The following SMUG1 variants were observed in gnomAD, a reference collection of about 807,000 sequenced individuals.
SMUG1 encodes single-strand selective monofunctional uracil DNA glycosylase.
In SMUG1, 13 loss-of-function variants were observed where a neutral mutation model predicts 23.9. That is an observed-to-expected ratio of 0.54 (90% confidence interval 0.35 to 0.86). The LOEUF (loss-of-function observed/expected upper bound fraction) is 0.86. Ranked by LOEUF, SMUG1 falls within the 40% of genes least tolerant of loss-of-function variation. SMUG1 has a pLI of 0.01. For missense variants in SMUG1, 313 were observed against 339.5 expected (o/e 0.92, Z 0.61); for synonymous variants, 133 against 139.8 (o/e 0.95, Z 0.34).
intron 2 of SMUG1, among the ~76,000 whole-genome samples, chr12:54,184,706 T>G (rs1272697271): frequency 2.6e-5 from 4 of 152,212 alleles, no homozygotes; most frequent in Admixed American, 6.5e-5. Context: ...ACCCTGCTAA[T>G]TCTACAACCC....
chr12:54,182,570 A>AG lies in SMUG1; in HGVS notation c.338dup (p.Val114CysfsTer10). On this transcript the variant is annotated frameshift_variant, in exon 4 of 4. Coordinates refer to ENST00000682136, the MANE Select transcript of SMUG1 (RefSeq NM_001243787.2). LOFTEE classifies it high-confidence loss of function. ...GATGCTCTTGGGGAGGGGTCAGCAC[A>AG]GGCCCCACAATGCCCAACCAGTCCC... is the stretch of plus-strand genomic sequence containing the variant. The AG allele has an allele frequency of 6.2e-7, 1 of 1,614,102 alleles. No homozygotes were observed. The highest frequency in any genetic ancestry group is 2.2e-5 in the East Asian group (1 of 44,874).
intron 3 of SMUG1, among the ~76,000 whole-genome samples, chr12:54,170,144 G>T (rs552432736): frequency 2.4e-4 from 37 of 151,916 alleles, no homozygotes; most frequent in African/African-American, 8.9e-4. Flanking sequence ...TTTGCGGTCC[G>T]GCGAGATCGC....
At chr12:54,184,808 T>C (rs1941943501) in intron 2 of SMUG1, among the ~76,000 whole-genome samples, 1 of 152,200 alleles carries the variant, frequency 6.6e-6, no homozygotes, top group African/African-American at 2.4e-5. Flanking sequence ...TACACAACCA[T>C]GGCCAGAGCC....
Position 54,181,388 on chromosome 12 carries a change from G to A in SMUG1, c.*708C>T, listed in dbSNP as rs1941045940. ...ATGAGCACCCACATGCCAAGCCCAT[G>A]CAAGGCACTTTCAAGTGTGATCTCA... On this transcript the variant is annotated 3_prime_UTR_variant, in exon 4 of 4. Coordinates refer to ENST00000682136, the MANE Select transcript of SMUG1 (RefSeq NM_001243787.2). 7.6e-6 allele frequency: 5 copies of A among 656,650 alleles called. No homozygotes were observed. The highest frequency in any genetic ancestry group is 1.0e-5 in the Non-Finnish European group (4 of 383,134). 40.7% of individuals were successfully genotyped at this position (656,650 alleles called of 1,614,324 possible). A position where few individuals can be genotyped will look rare whatever the true frequency, so the allele number is the denominator to read the frequency against.
At chr12:54,182,666 C>A in intron 3 of SMUG1, 43 bp from the exon 4 acceptor site, 1 of 1,565,376 alleles carries the variant, frequency 6.4e-7, no homozygotes, top group Admixed American at 1.9e-5. Flanking sequence ...AAACTGGAGA[C>A]CTGAGGCCCG....
chr12:54,182,943 T>G lies in SMUG1; in HGVS notation c.286-320A>C, dbSNP rs562594019. 1.0e-5 allele frequency: 3 copies of G among 300,056 alleles called. No homozygotes were observed. The East Asian group carries it at 2.0e-4, about 20-fold the overall frequency. The allele number at this position is 300,056 out of a possible 1,614,324, so 18.6% of individuals were successfully genotyped here. On this transcript the variant is annotated intron_variant, in intron 3 of 3. Transcript: ENST00000682136. ...ATGGTTAGTACTGGGGACAGACAGA[T>G]GGTCTGAGACAGAAAGGCAGCCAGG...
intron 3 of SMUG1, among the ~76,000 whole-genome samples, chr12:54,167,170 G>C (rs1186861989): frequency 6.6e-6 from 1 of 152,194 alleles, no homozygotes; most frequent in Non-Finnish European, 1.5e-5. Context: ...GCATGGACCA[G>C]TAATGATGTT....
chr12:54,170,999 C>CTTT (rs200562796), intron 3 of SMUG1, among the ~76,000 whole-genome samples: 1 of 142,434 alleles, frequency 7.0e-6, no homozygotes, highest in Non-Finnish European at 1.5e-5. Flanking sequence ...TTCTTTCTTT[C>CTTT]TTTTTTTTTT....
intron 3 of SMUG1, among the ~76,000 whole-genome samples, chr12:54,167,596 GA>G (rs5798298): frequency 0.33 from 50,499 of 151,968 alleles, 12,761 homozygotes; most frequent in African/African-American, 0.71. Flanking sequence ...AATGCATTCA[GA>G]AAAAAACTGC....
At chr12:54,158,527 G>T (rs1940119887) in intron 4 of SMUG1, among the ~76,000 whole-genome samples, 1 of 152,102 alleles carries the variant, frequency 6.6e-6, no homozygotes, top group Non-Finnish European at 1.5e-5. Context: ...TTGCACTGGG[G>T]TGTTGTTGAA....
chr12:54,188,382 C>G (rs551712190), intron 1 of SMUG1: 1 of 150,678 alleles, frequency 6.6e-6, no homozygotes, highest in Non-Finnish European at 1.5e-5. Flanking sequence ...AATCCGAGCA[C>G]TTTGGGAGGC....
chr12:54,160,391 C>T (rs1940210469), downstream of SMUG1, among the ~76,000 whole-genome samples: 4 of 152,188 alleles, frequency 2.6e-5, no homozygotes, highest in Admixed American at 2.6e-4. Flanking sequence ...AGACCTGCTA[C>T]CCTGGGCAGT....
chr12:54,184,872 A>G (rs956771104), intron 2 of SMUG1, among the ~76,000 whole-genome samples: 2 of 152,226 alleles, frequency 1.3e-5, no homozygotes, highest in African/African-American at 4.8e-5. Flanking sequence ...AATAATGTTG[A>G]CATAAGGAAG....
At position 54,180,849 on chromosome 12, in the gene SMUG1, G is replaced by C. The variant is rs368634278; in HGVS notation, c.*1247C>G. The C allele has an allele frequency of 6.6e-6, 1 of 152,154 alleles. No individual in the cohort carries two copies. The highest frequency in any genetic ancestry group is 6.5e-5 in the Admixed American group (1 of 15,280). The allele number at this position is 152,154 out of a possible 1,614,324, so 9.4% of individuals were successfully genotyped here. A position where few individuals can be genotyped will look rare whatever the true frequency, so the allele number is the denominator to read the frequency against. On this transcript the variant is annotated 3_prime_UTR_variant, in exon 4 of 4. Transcript: ENST00000682136. The stretch of plus-strand genomic sequence containing the variant: ...ATAAAAATACAAAAATTAGCCAGGC[G>C]TGGTGGCACATGCCTGTAATTCCAG...
chr12:54,182,691 TG>T, intron 3 of SMUG1, 68 bp from the exon 4 acceptor site: 1 of 1,539,624 alleles, frequency 6.5e-7, no homozygotes, highest in South Asian at 1.3e-5. Context: ...CTGGACCAAC[TG>T]ACTTCTTTAT....
At chr12:54,176,691 C>T (rs1251126792), downstream of SMUG1, among the ~76,000 whole-genome samples, 2 of 151,850 alleles carry the variant, frequency 1.3e-5, no homozygotes, top group African/African-American at 2.4e-5. Context: ...CCTGTAGTCC[C>T]AGCTACTCAG....
intron 2 of SMUG1, among the ~76,000 whole-genome samples, chr12:54,185,675 G>T (rs989531543): frequency 6.6e-6 from 1 of 151,772 alleles, no homozygotes; most frequent in African/African-American, 2.4e-5. Context: ...GCTGGGCATG[G>T]TGGCACGTGC....
At chr12:54,178,091 C>A (rs1421406150), downstream of SMUG1, among the ~76,000 whole-genome samples, 2 of 152,164 alleles carry the variant, frequency 1.3e-5, no homozygotes, top group African/African-American at 2.4e-5. Flanking sequence ...TGGGAGGACA[C>A]AGCAAGAAGG....
downstream of SMUG1, among the ~76,000 whole-genome samples, chr12:54,179,585 T>A (rs1194379304): frequency 6.6e-6 from 1 of 152,106 alleles, no homozygotes; most frequent in African/African-American, 2.4e-5. Context: ...AATACTGTAA[T>A]GCAATTCTGA....
Sources: gnomAD v4.1 joint callset for allele counts (sites outside exome capture counted in the v4.1 genomes callset) on GRCh38, gnomAD v4.1.1 for gene constraint, MANE v1.5 for transcripts, NCBI Gene and HGNC (gene_info 2026-07-23, HGNC 2026-07-21) for gene names.